The following ARID5B variants were observed in gnomAD, a reference collection of about 807,000 sequenced individuals.
ARID5B encodes the protein AT-rich interactive domain-containing protein 5B.
Under a neutral mutation model 97.2 loss-of-function variants are expected in ARID5B, and 13 were observed. The observed-to-expected ratio is 0.13, with a 90% CI of 0.09 to 0.21. The LOEUF (loss-of-function observed/expected upper bound fraction) is 0.21, where lower values mean the gene tolerates loss of function less well. ARID5B is among the 10% of genes least tolerant of loss of function. The pLI, the probability that ARID5B is intolerant of heterozygous loss-of-function variation, is 1.00. For missense variants in ARID5B, 1,210 were observed against 1,465.3 expected, an observed-to-expected ratio of 0.83 and a Z score of 2.84; for synonymous variants, 556 against 570.3, an observed-to-expected ratio of 0.97 and a Z score of 0.36.
chr10:61,926,124 T>C (rs1229437008), intron 2 of ARID5B, among the ~76,000 whole-genome samples: 1 of 152,244 alleles, frequency 6.6e-6, no homozygotes, highest in Admixed American at 6.5e-5. Flanking sequence ...TCTATCTTCA[T>C]TGCTCTGACA....
chr10:62,058,649 A>G (rs1404024172), intron 6 of ARID5B, among the ~76,000 whole-genome samples: 1 of 152,220 alleles, frequency 6.6e-6, no homozygotes. Flanking sequence ...CTCTGAATGA[A>G]TGTCTTCCTT....
At position 62,096,459 on chromosome 10, in the gene ARID5B, A is replaced by T. The variant is rs1284674562; in HGVS notation, c.*3429A>T. On this transcript the variant is annotated 3_prime_UTR_variant, in exon 10 of 10. Transcript: ENST00000279873. ...AAATGGGAATGAGTTTGCCCTGGTG[A>T]GACCCATACCATTGCAATGATTATC... is the stretch of plus-strand genomic sequence containing the variant. 3 of 233,410 alleles carry T rather than the reference A, an allele frequency of 1.3e-5. No homozygotes were observed. The highest frequency in any genetic ancestry group is 2.5e-5 in the Non-Finnish European group (3 of 118,020). 14.5% of individuals were successfully genotyped at this position (233,410 alleles called of 1,614,324 possible). A position where few individuals can be genotyped will look rare whatever the true frequency, so the allele number is the denominator to read the frequency against.
intron 4 of ARID5B, chr10:62,049,342 T>G: frequency 6.5e-7 from 1 of 1,531,624 alleles, no homozygotes; most frequent in Non-Finnish European, 8.8e-7. Flanking sequence ...AGCAGAGCGC[T>G]GAGCCTCGCA....
At chr10:61,910,372 G>A (rs1202041583) in intron 2 of ARID5B, among the ~76,000 whole-genome samples, 1 of 152,088 alleles carries the variant, frequency 6.6e-6, no homozygotes, top group Non-Finnish European at 1.5e-5. Flanking sequence ...TTGGATATTT[G>A]CCATCTTCTA....
chr10:61,942,774 G>A (rs774593382), intron 3 of ARID5B, among the ~76,000 whole-genome samples: 3 of 152,150 alleles, frequency 2.0e-5, no homozygotes, highest in South Asian at 2.1e-4. Context: ...CAGCCTGGGC[G>A]ACAACAGCGA....
intron 3 of ARID5B, among the ~76,000 whole-genome samples, chr10:61,945,128 C>T (rs1844479358): frequency 6.6e-6 from 1 of 152,118 alleles, no homozygotes; most frequent in Admixed American, 6.5e-5. Flanking sequence ...GATCTGTCAC[C>T]ACTGGAAAAG....
At chr10:61,942,643 T>C (rs887687033) in intron 3 of ARID5B, among the ~76,000 whole-genome samples, 3 of 151,690 alleles carry the variant, frequency 2.0e-5, no homozygotes, top group African/African-American at 7.3e-5. Context: ...AATAGAAAAA[T>C]TAGTCACGTG....
chr10:61,918,719 C>T (rs1340894524), intron 2 of ARID5B, among the ~76,000 whole-genome samples: 1 of 152,104 alleles, frequency 6.6e-6, no homozygotes, highest in Non-Finnish European at 1.5e-5. Context: ...CCATTCTATT[C>T]TGTTCCATGT....
intron 4 of ARID5B, among the ~76,000 whole-genome samples, chr10:62,023,940 G>C (rs566403072): frequency 1.3e-5 from 2 of 152,174 alleles, no homozygotes; most frequent in African/African-American, 2.4e-5. Context: ...CTTGGATACC[G>C]ATAGGCTTCT....
intron 3 of ARID5B, among the ~76,000 whole-genome samples, chr10:61,977,494 T>C (rs1838717017): frequency 6.6e-6 from 1 of 152,232 alleles, no homozygotes; most frequent in South Asian, 2.1e-4. Context: ...AGTGTTTCTA[T>C]TTCTCCACAT....
chr10:61,920,562 C>T (rs990067510), intron 2 of ARID5B, among the ~76,000 whole-genome samples: 2 of 152,078 alleles, frequency 1.3e-5, no homozygotes, highest in Admixed American at 1.3e-4. Flanking sequence ...TCTCGAACTC[C>T]TGACCTCAGG....
chr10:62,081,409 C>T (rs1044440978), intron 8 of ARID5B, among the ~76,000 whole-genome samples: 6 of 152,070 alleles, frequency 3.9e-5, no homozygotes, highest in Admixed American at 3.3e-4. Context: ...ATATTTTGGC[C>T]CAAAAGTTCA....
chr10:61,977,039 G>C (rs1488546063), intron 3 of ARID5B, among the ~76,000 whole-genome samples: 1 of 152,050 alleles, frequency 6.6e-6, no homozygotes, highest in Non-Finnish European at 1.5e-5. Flanking sequence ...GCCCCGGTGT[G>C]TCATGTTCCA....
At position 62,036,734 on chromosome 10, in the gene ARID5B, A is replaced by G. The variant is rs116691539; in HGVS notation, c.734-14154A>G. On this transcript the variant is annotated intron_variant, in intron 4 of 9. Coordinates refer to ENST00000279873, the MANE Select transcript of ARID5B (RefSeq NM_032199.3). ...ATGGAGGTATTCAGGGCCCATTGAA[A>G]AACCATCTGCTGCCAAGGCTCTGCT... Among the ~76,000 whole-genome samples, 980 of 152,248 alleles carry G rather than the reference A, an allele frequency of 6.4e-3. 8 individuals carry two copies. The highest frequency in any genetic ancestry group is 0.022 in the African/African-American group (899 of 41,534).
intron 3 of ARID5B, among the ~76,000 whole-genome samples, chr10:61,962,595 G>A (rs556067169): frequency 6.6e-6 from 1 of 152,324 alleles, no homozygotes; most frequent in South Asian, 2.1e-4. Flanking sequence ...GCTCCACTCT[G>A]TTATGCTGTG....
intron 3 of ARID5B, among the ~76,000 whole-genome samples, chr10:61,954,703 G>A (rs1838367410): frequency 6.6e-6 from 1 of 152,154 alleles, no homozygotes; most frequent in Admixed American, 6.5e-5. Context: ...TTTTGTCCTT[G>A]TGGTATCTAT....
intron 4 of ARID5B, among the ~76,000 whole-genome samples, chr10:62,023,838 ATT>A (rs1839385916): frequency 6.6e-6 from 1 of 152,240 alleles, no homozygotes; most frequent in Admixed American, 6.5e-5. Context: ...CCCTAGGCAC[ATT>A]GAAGGACACA....
intron 3 of ARID5B, among the ~76,000 whole-genome samples, chr10:61,966,182 C>T (rs535357829): frequency 9.1e-4 from 139 of 152,250 alleles, no homozygotes; most frequent in African/African-American, 3.1e-3. Flanking sequence ...GTATACAATG[C>T]GTCATTGATT....
chr10:62,090,779 G>A, intron 9 of ARID5B, 83 bp from the exon 10 acceptor site: 1 of 1,483,846 alleles, frequency 6.7e-7, no homozygotes, highest in Non-Finnish European at 9.0e-7. Context: ...AAGTAAAACT[G>A]CTGTGTGGAA....
Sources: allele counts gnomAD v4.1 joint callset (sites outside exome capture counted in the v4.1 genomes callset), GRCh38; gene constraint gnomAD v4.1.1; transcripts MANE v1.5; gene names NCBI Gene and HGNC (gene_info 2026-07-23, HGNC 2026-07-21).